The following MDGA2 variants were observed in gnomAD, a reference collection of about 807,000 sequenced individuals.
The protein encoded by MDGA2 is MAM domain containing glycosylphosphatidylinositol anchor 2.
MDGA2 carries 40 observed loss-of-function variants against 117.8 expected under a neutral mutation model. The observed-to-expected ratio is 0.34, with a 90% CI of 0.26 to 0.44. The LOEUF is 0.44. Among genes scored for constraint, MDGA2 ranks in the 20% least tolerant of loss-of-function variants. MDGA2 has a pLI of 1.00. For synonymous variants in MDGA2, 452 were observed against 439.0 expected, an observed-to-expected ratio of 1.03 and a Z score of -0.37; for missense variants, 1,123 against 1,250.6, an observed-to-expected ratio of 0.90 and a Z score of 1.54.
At chr14:47,165,268 G>A (rs1883823262) in intron 3 of MDGA2, among the ~76,000 whole-genome samples, 1 of 151,796 alleles carries the variant, frequency 6.6e-6, no homozygotes, top group African/African-American at 2.4e-5. Context: ...TACAAAAAAA[G>A]AACAGTCCCA....
intron 1 of MDGA2, among the ~76,000 whole-genome samples, chr14:47,630,461 T>C (rs745970608): frequency 6.6e-6 from 1 of 152,194 alleles, no homozygotes; most frequent in Non-Finnish European, 1.5e-5. Flanking sequence ...CAGTGACAGA[T>C]AACACAAGTT....
chr14:47,186,718 G>C (rs1884925086), intron 3 of MDGA2, among the ~76,000 whole-genome samples: 1 of 151,926 alleles, frequency 6.6e-6, no homozygotes. Flanking sequence ...AACACCAGTT[G>C]ACTTTTAACT....
chr14:47,154,562 T>C (rs1162071766), intron 3 of MDGA2, among the ~76,000 whole-genome samples: 1 of 152,180 alleles, frequency 6.6e-6, no homozygotes, highest in Non-Finnish European at 1.5e-5. Flanking sequence ...GCCTGGCCTC[T>C]CCCGGCTCCC....
chr14:47,535,540 G>T (rs1175092295), intron 1 of MDGA2, among the ~76,000 whole-genome samples: 1 of 152,246 alleles, frequency 6.6e-6, no homozygotes, highest in Admixed American at 6.5e-5. Context: ...GGTTTAGTCA[G>T]CTCTGTGTTA....
intron 8 of MDGA2, among the ~76,000 whole-genome samples, chr14:46,985,552 T>C (rs74995255): frequency 1.3e-4 from 20 of 152,160 alleles, no homozygotes; most frequent in African/African-American, 4.1e-4. Flanking sequence ...CCAAATACTG[T>C]GCTGTCAAAA....
At chr14:47,357,511 G>A (rs1329607602) in intron 1 of MDGA2, among the ~76,000 whole-genome samples, 1 of 152,114 alleles carries the variant, frequency 6.6e-6, no homozygotes, top group Admixed American at 6.5e-5. Context: ...GTTGCACCTG[G>A]GTAAGCACCT....
chr14:47,577,425 C>A (rs1896136241), intron 1 of MDGA2, among the ~76,000 whole-genome samples: 1 of 151,964 alleles, frequency 6.6e-6, no homozygotes, highest in Non-Finnish European at 1.5e-5. Context: ...GCAATACAAG[C>A]CAAAACTGAC....
intron 1 of MDGA2, chr14:47,305,385 T>C (rs1393327317): frequency 2.0e-5 from 3 of 152,176 alleles, no homozygotes; most frequent in Non-Finnish European, 4.4e-5. Context: ...TTCATCCAAA[T>C]TTTCTTGAAG....
chr14:47,669,888 A>G (rs1898043977), intron 1 of MDGA2, among the ~76,000 whole-genome samples: 1 of 152,166 alleles, frequency 6.6e-6, no homozygotes. Flanking sequence ...ATACCTTCGG[A>G]TAGCTTTGCT....
At chr14:47,027,901 A>G (rs1434026036) in intron 8 of MDGA2, among the ~76,000 whole-genome samples, 1 of 151,996 alleles carries the variant, frequency 6.6e-6, no homozygotes, top group East Asian at 1.9e-4. Flanking sequence ...AAATCCATGG[A>G]AAGATAAAGT....
At chr14:46,872,837 T>C (rs1882064919) in intron 14 of MDGA2, among the ~76,000 whole-genome samples, 3 of 151,948 alleles carry the variant, frequency 2.0e-5, no homozygotes, top group African/African-American at 7.2e-5. Context: ...CTCAGTGTAA[T>C]GTCATGCTCT....
intron 8 of MDGA2, among the ~76,000 whole-genome samples, chr14:47,016,029 T>C (rs1218213928): frequency 6.6e-6 from 1 of 152,046 alleles, no homozygotes; most frequent in East Asian, 1.9e-4. Context: ...GTTTATTTGG[T>C]AGAGACATAA....
intron 1 of MDGA2, among the ~76,000 whole-genome samples, chr14:47,395,354 T>A (rs1394228135): frequency 2.0e-5 from 3 of 152,144 alleles, no homozygotes; most frequent in African/African-American, 7.2e-5. Flanking sequence ...AGTGTTGATG[T>A]TTATCTACTT....
intron 1 of MDGA2, among the ~76,000 whole-genome samples, chr14:47,497,374 A>G (rs1228664471): frequency 1.3e-5 from 2 of 152,122 alleles, no homozygotes; most frequent in African/African-American, 4.8e-5. Flanking sequence ...CTCCTGCCTC[A>G]GTCTCCTGAG....
chr14:46,939,890 G>T (rs915342354), intron 9 of MDGA2, among the ~76,000 whole-genome samples: 3 of 152,166 alleles, frequency 2.0e-5, no homozygotes, highest in East Asian at 1.9e-4. Context: ...GGGTATGGTT[G>T]CTCACAACCA....
At chr14:46,911,750 C>T (rs767534957) in intron 10 of MDGA2, among the ~76,000 whole-genome samples, 9 of 151,998 alleles carry the variant, frequency 5.9e-5, no homozygotes, top group Non-Finnish European at 1.2e-4. Flanking sequence ...AAAAACATCA[C>T]GAAACTTCTA....
At chr14:47,164,476 A>C (rs1478862863) in intron 3 of MDGA2, among the ~76,000 whole-genome samples, 1 of 152,254 alleles carries the variant, frequency 6.6e-6, no homozygotes, top group Non-Finnish European at 1.5e-5. Flanking sequence ...GAAGACATTT[A>C]TGCAGCCAAA....
At chr14:47,539,075 T>A (rs1015224860) in intron 1 of MDGA2, among the ~76,000 whole-genome samples, 5 of 152,140 alleles carry the variant, frequency 3.3e-5, no homozygotes, top group Non-Finnish European at 5.9e-5. Flanking sequence ...GAAACTTCCC[T>A]CAGGGTACAG....
At chr14:47,192,133 A>G (rs78398281) in intron 3 of MDGA2, among the ~76,000 whole-genome samples, 1 of 152,182 alleles carries the variant, frequency 6.6e-6, no homozygotes, top group African/African-American at 2.4e-5. Context: ...TGCAGTGGAG[A>G]TAAGTGTGAG....
Sources: gnomAD v4.1 joint callset for allele counts (sites outside exome capture counted in the v4.1 genomes callset) on GRCh38, gnomAD v4.1.1 for gene constraint, MANE v1.5 for transcripts, NCBI Gene and HGNC (gene_info 2026-07-23, HGNC 2026-07-21) for gene names.